RYK: variants seen among roughly 807,000 people sequenced by gnomAD.
RYK encodes receptor like tyrosine kinase.
Under a neutral mutation model 70.2 loss-of-function variants are expected in RYK, and 21 were observed. That is an observed-to-expected ratio of 0.30 (90% confidence interval 0.21 to 0.43). RYK has a LOEUF of 0.43. RYK is among the 20% of genes least tolerant of loss of function. The probability of loss-of-function intolerance (pLI) is 1.00; values close to 1 mark genes in which losing one functional copy is unlikely to be tolerated. For synonymous variants in RYK, 267 were observed against 278.0 expected, an observed-to-expected ratio of 0.96 and a Z score of 0.39; for missense variants, 604 against 753.3, an observed-to-expected ratio of 0.80 and a Z score of 2.32.
At chr3:134,187,252 C>A (rs976292942) in intron 9 of RYK, among the ~76,000 whole-genome samples, 1 of 152,010 alleles carries the variant, frequency 6.6e-6, no homozygotes, top group Admixed American at 6.5e-5. Flanking sequence ...TTGGTATAAC[C>A]CAACTTTTTA....
intron 1 of RYK, among the ~76,000 whole-genome samples, chr3:134,250,023 G>A (rs1316138375): frequency 6.9e-6 from 1 of 144,326 alleles, no homozygotes; most frequent in Non-Finnish European, 1.5e-5. Context: ...AGTCTAAAAC[G>A]TGAATTTCGA....
intron 14 of RYK, among the ~76,000 whole-genome samples, chr3:134,158,606 T>A (rs951212830): frequency 7.9e-5 from 12 of 152,230 alleles, no homozygotes; most frequent in Non-Finnish European, 1.2e-4. Context: ...TTTATCTAAG[T>A]TCTATGAACC....
At chr3:134,180,878 T>C (rs1438702469) in intron 10 of RYK, 1 of 152,212 alleles carries the variant, frequency 6.6e-6, no homozygotes, top group African/African-American at 2.4e-5. Context: ...GACTGAATGC[T>C]CAGTATCAAA....
rs1342155987 is a variant in RYK, at chr3:134,246,301, A to AACACAC, written c.232+4121_232+4122insGTGTGT. Among the ~76,000 whole-genome samples the AACACAC allele has an allele frequency of 5.9e-3, 612 of 103,670 alleles. 17 individuals carry two copies. The highest frequency in any genetic ancestry group is 0.021 in the African/African-American group (538 of 25,516). 68.0% of individuals were successfully genotyped at this position (103,670 alleles called of 152,430 possible). On this transcript the variant is annotated intron_variant, in intron 1 of 14. Transcript: ENST00000623711. Reference sequence around the variant, plus strand: ...CAAACCAACAGACATCTCAGAAAGAAATACACACACACACACACACACACA... The same window carrying AACACAC: ...CAAACCAACAGACATCTCAGAAAGAAACACACATACACACACACACACACACACACA...
At chr3:134,167,219 A>C (rs1036062010) in intron 13 of RYK, among the ~76,000 whole-genome samples, 1 of 152,104 alleles carries the variant, frequency 6.6e-6, no homozygotes, top group African/African-American at 2.4e-5. Context: ...ATACTGCCCA[A>C]GGTAATTTAC....
intron 1 of RYK, among the ~76,000 whole-genome samples, chr3:134,241,507 TA>T: frequency 6.6e-6 from 1 of 152,322 alleles, no homozygotes; most frequent in East Asian, 1.9e-4. Flanking sequence ...CCCCACTGAT[TA>T]TAACATGGTT....
At chr3:134,248,782 G>A (rs1239973308) in intron 1 of RYK, among the ~76,000 whole-genome samples, 1 of 152,104 alleles carries the variant, frequency 6.6e-6, no homozygotes, top group African/African-American at 2.4e-5. Flanking sequence ...TGGGTGACAA[G>A]AGCGAGACTC....
chr3:134,233,740 A>G (rs2015127047), intron 1 of RYK, among the ~76,000 whole-genome samples: 1 of 152,204 alleles, frequency 6.6e-6, no homozygotes, highest in African/African-American at 2.4e-5. Flanking sequence ...GACAGGTTTT[A>G]ATGACCAAAT....
chr3:134,204,968 C>A lies in RYK; in HGVS notation c.644-2094G>T, dbSNP rs576786039. Among the ~76,000 whole-genome samples the A allele has an allele frequency of 2.6e-5, 4 of 152,238 alleles. No individual in the cohort carries two copies. The South Asian group carries it at 8.3e-4, about 32-fold the overall frequency. ...GAGTAATTCAGAGAGACAGCACTGGCTTGGACAAGAGTGTCACAGTGAAGA... is the reference window on the plus strand; with the variant it reads ...GAGTAATTCAGAGAGACAGCACTGGATTGGACAAGAGTGTCACAGTGAAGA... On this transcript the variant is annotated intron_variant, in intron 5 of 14. Transcript: ENST00000623711.
intron 10 of RYK, chr3:134,178,355 AC>A: frequency 7.7e-6 from 2 of 261,308 alleles, no homozygotes; most frequent in South Asian, 1.6e-4. Context: ...CACTCTAACC[AC>A]ACTATATCTT....
intron 1 of RYK, among the ~76,000 whole-genome samples, chr3:134,246,293 C>A: frequency 8.0e-6 from 1 of 125,758 alleles, no homozygotes; most frequent in African/African-American, 3.2e-5. Flanking sequence ...ACAGACATCT[C>A]AGAAAGAAAT....
intron 1 of RYK, among the ~76,000 whole-genome samples, chr3:134,229,856 A>C (rs111743538): frequency 8.5e-4 from 129 of 152,352 alleles, no homozygotes; most frequent in African/African-American, 2.9e-3. Context: ...CACCACAGTG[A>C]GAGCCATTAG....
At chr3:134,196,653 T>C (rs1245531782) in intron 6 of RYK, among the ~76,000 whole-genome samples, 1 of 151,750 alleles carries the variant, frequency 6.6e-6, no homozygotes, top group Admixed American at 6.6e-5. Flanking sequence ...CTATAACATT[T>C]ATATATGAAT....
chr3:134,220,784 G>C (rs957338986), intron 2 of RYK, among the ~76,000 whole-genome samples: 1 of 151,828 alleles, frequency 6.6e-6, no homozygotes, highest in Non-Finnish European at 1.5e-5. Flanking sequence ...AAATAGCAAA[G>C]GTAGAAACAT....
intron 9 of RYK, among the ~76,000 whole-genome samples, chr3:134,184,961 CAAAAAAAAAA>C (rs34543975): frequency 5.0e-5 from 4 of 80,132 alleles, no homozygotes; most frequent in East Asian, 7.0e-4. Flanking sequence ...CCCATCTCTA[CAAAAAAAAAA>C]AAAAAAAAAA....
chr3:134,227,679 A>AT (rs1351874338), intron 1 of RYK, among the ~76,000 whole-genome samples: 4 of 150,780 alleles, frequency 2.7e-5, no homozygotes, highest in South Asian at 2.1e-4. Flanking sequence ...TTCTTTTTTT[A>AT]TTTTTTTTTA....
In RYK at chr3:134,221,196, C is replaced by CTTTTTT. The variant is rs71139519; in HGVS notation, c.354+1216_354+1221dup. Reference sequence around the variant, plus strand: ...CTACAAAGTCTTAACAGTTCTTTTTCTTTTTTTTTTTTTTTTTTTTTTTTT... The same window carrying CTTTTTT: ...CTACAAAGTCTTAACAGTTCTTTTTCTTTTTTTTTTTTTTTTTTTTTTTTTTTTTTT... On this transcript the variant is annotated intron_variant, in intron 2 of 14. Transcript: ENST00000623711. 2.2e-3 allele frequency among the ~76,000 whole-genome samples: 169 copies of CTTTTTT among 78,584 alleles called. 4 individuals are homozygous for CTTTTTT. The highest frequency in any genetic ancestry group is 3.7e-3 in the African/African-American group (67 of 17,910). 51.6% of individuals were successfully genotyped at this position (78,584 alleles called of 152,430 possible).
At chr3:134,242,165 A>G (rs545271095) in intron 1 of RYK, among the ~76,000 whole-genome samples, 1 of 152,012 alleles carries the variant, frequency 6.6e-6, no homozygotes, top group Admixed American at 6.6e-5. Flanking sequence ...ATTAGCTGGG[A>G]ATGGTGGTGG....
intron 6 of RYK, among the ~76,000 whole-genome samples, chr3:134,195,726 G>A (rs2107670802): frequency 6.6e-6 from 1 of 152,282 alleles, no homozygotes; most frequent in South Asian, 2.1e-4. Context: ...GCGGACAGAT[G>A]ACTGGAGGTC....
Sources: gnomAD v4.1 joint callset for allele counts (sites outside exome capture counted in the v4.1 genomes callset) on GRCh38, gnomAD v4.1.1 for gene constraint, MANE v1.5 for transcripts, NCBI Gene and HGNC (gene_info 2026-07-23, HGNC 2026-07-21) for gene names.